Variants in PRKAR1A observed in about 807,000 individuals in gnomAD.
PRKAR1A encodes cAMP-dependent protein kinase type I-alpha regulatory subunit.
In PRKAR1A, 3 loss-of-function variants were observed where a neutral mutation model predicts 52.0. The observed-to-expected ratio is 0.06, with a 90% CI of 0.03 to 0.15. The LOEUF (loss-of-function observed/expected upper bound fraction) is 0.15, where lower values mean the gene tolerates loss of function less well. Ranked by LOEUF, PRKAR1A falls within the 10% of genes least tolerant of loss-of-function variation. The probability of loss-of-function intolerance (pLI) is 1.00; values close to 1 mark genes in which losing one functional copy is unlikely to be tolerated. For synonymous variants in PRKAR1A, 188 were observed against 168.4 expected, an observed-to-expected ratio of 1.12 and a Z score of -0.90; for missense variants, 240 against 477.4, an observed-to-expected ratio of 0.50 and a Z score of 4.63.
the PRKAR1A span, among the ~76,000 whole-genome samples, chr17:68,429,776 A>G: frequency 6.6e-6 from 1 of 152,048 alleles, no homozygotes; most frequent in Admixed American, 6.6e-5. Flanking sequence ...TTTAGTAGAG[A>G]CGGGATTTCA....
At chr17:68,518,181 A>G (rs143752025) in intron 2 of PRKAR1A, among the ~76,000 whole-genome samples, 41 of 152,236 alleles carry the variant, frequency 2.7e-4, no homozygotes, top group African/African-American at 7.9e-4. Context: ...TTCCAGGTGC[A>G]TGGTGCAATC....
the PRKAR1A span, chr17:68,450,653 C>T: frequency 6.6e-7 from 1 of 1,512,608 alleles, no homozygotes; most frequent in Non-Finnish European, 8.9e-7. Context: ...AGACATTGAT[C>T]TTGAAAGATG....
At position 68,532,654 on chromosome 17, in the gene PRKAR1A, T is replaced by C. The variant is rs2086008129; in HGVS notation, c.*2205T>C. On this transcript the variant is annotated 3_prime_UTR_variant, in exon 11 of 11. Coordinates refer to ENST00000589228, the MANE Select transcript of PRKAR1A (RefSeq NM_002734.5). ...TAGATGGCCAAAGGACCGTTTTGTA[T>C]TGCTTCCTGATTACCAGTCTGATTA... 9.4e-7 allele frequency: 1 copy of C among 1,066,236 alleles called. No individual in the cohort carries two copies. Among genetic ancestry groups the C allele is most frequent in the Non-Finnish European group, 1.1e-6 (1 of 879,680 alleles). The allele number at this position is 1,066,236 out of a possible 1,614,324, so 66.0% of individuals were successfully genotyped here. A position where few individuals can be genotyped will look rare whatever the true frequency, so the allele number is the denominator to read the frequency against.
chr17:68,521,517 C>G (rs2085608919), intron 2 of PRKAR1A, among the ~76,000 whole-genome samples: 1 of 152,232 alleles, frequency 6.6e-6, no homozygotes, highest in Admixed American at 6.5e-5. Flanking sequence ...AGGCGTAAGC[C>G]ACTGTACCCA....
chr17:68,543,658 A>G (rs2086414288), intron 11 of PRKAR1A: 2 of 1,614,132 alleles, frequency 1.2e-6, no homozygotes, highest in African/African-American at 2.7e-5. Flanking sequence ...CGATCTCAGC[A>G]TTGTGTCTCT....
the PRKAR1A span, among the ~76,000 whole-genome samples, chr17:68,425,220 T>C: frequency 3.9e-5 from 6 of 152,166 alleles, no homozygotes; most frequent in African/African-American, 1.4e-4. Context: ...TCTTTTCTTT[T>C]TGAGATAGAG....
At chr17:68,510,849 T>A (rs960616921), upstream of PRKAR1A, among the ~76,000 whole-genome samples, 8 of 152,218 alleles carry the variant, frequency 5.3e-5, no homozygotes, top group African/African-American at 1.9e-4. Context: ...ATAACATAAC[T>A]AAATAAATCA....
At chr17:68,502,176 A>G in the PRKAR1A span, among the ~76,000 whole-genome samples, 8 of 152,310 alleles carry the variant, frequency 5.3e-5, no homozygotes, top group Non-Finnish European at 8.8e-5. Context: ...CCCAAAAGAT[A>G]AAGTGTGCAC....
At chr17:68,537,514 A>G (rs2907373), downstream of PRKAR1A, 1,101,593 of 1,613,080 alleles carry the variant, frequency 0.68, 379,606 homozygotes, top group East Asian at 0.92. The surrounding 1 kb of genome is among the most constrained non-coding windows in gnomAD (Gnocchi z 4.2). Context: ...GTCTGGGGCC[A>G]ACTGTTCCAC....
the PRKAR1A span, among the ~76,000 whole-genome samples, chr17:68,506,530 C>A: frequency 1.2e-4 from 18 of 151,802 alleles, no homozygotes; most frequent in Non-Finnish European, 2.5e-4. Flanking sequence ...ATCACCCAGG[C>A]TGGAGTGTAG....
chr17:68,526,271 T>A (rs2085787480), intron 7 of PRKAR1A, among the ~76,000 whole-genome samples: 1 of 152,226 alleles, frequency 6.6e-6, no homozygotes, highest in Non-Finnish European at 1.5e-5. Context: ...TGCTTAAAGT[T>A]ATTTGGGGCC....
chr17:68,464,629 C>T, the PRKAR1A span, among the ~76,000 whole-genome samples: 18 of 150,760 alleles, frequency 1.2e-4, no homozygotes, highest in South Asian at 8.4e-4. Flanking sequence ...TGCAGTGAGC[C>T]GAGATCGTGC....
chr17:68,486,506 C>CTTCCTTCCTTCCTTCCCTCTTTCT, the PRKAR1A span, among the ~76,000 whole-genome samples: 13 of 48,258 alleles, frequency 2.7e-4, no homozygotes, highest in South Asian at 8.3e-4. Context: ...TCCTTCCTTC[C>CTTCCTTCCTTCCTTCCCTCTTTCT]TTCTTTCTTT....
At chr17:68,527,231 G>A (rs543820939) in intron 7 of PRKAR1A, among the ~76,000 whole-genome samples, 1 of 152,246 alleles carries the variant, frequency 6.6e-6, no homozygotes, top group East Asian at 1.9e-4. Context: ...TGTAGATATG[G>A]GGTGAAATAT....
upstream of PRKAR1A, among the ~76,000 whole-genome samples, chr17:68,510,373 C>G (rs1283441500): frequency 6.6e-6 from 1 of 152,116 alleles, no homozygotes; most frequent in East Asian, 1.9e-4. Flanking sequence ...ATGTGTAAAG[C>G]CCTTAGATCA....
the PRKAR1A span, chr17:68,422,809 T>C: frequency 6.6e-6 from 1 of 150,384 alleles, no homozygotes; most frequent in South Asian, 2.1e-4. Context: ...GCTCACAAGA[T>C]TGGGACTAGT....
chr17:68,421,262 T>C, the PRKAR1A span: 1 of 139,958 alleles, frequency 7.1e-6, no homozygotes, highest in African/African-American at 2.6e-5. Flanking sequence ...AACAAAAAAA[T>C]ATATAAAAAC....
At chr17:68,427,072 C>CAG in the PRKAR1A span, 1 of 1,370,338 alleles carries the variant, frequency 7.3e-7, no homozygotes, top group African/African-American at 1.4e-5. Context: ...AGGGAGCGTG[C>CAG]AGGGAGAAGG....
intron 11 of PRKAR1A, among the ~76,000 whole-genome samples, chr17:68,545,234 TCCTGTC>T (rs2086493756): frequency 6.6e-6 from 1 of 152,242 alleles, no homozygotes; most frequent in Non-Finnish European, 1.5e-5. Flanking sequence ...ATAAAATTGG[TCCTGTC>T]ACTGAATGTT....
Sources: gnomAD v4.1 joint callset for allele counts (sites outside exome capture counted in the v4.1 genomes callset) on GRCh38, gnomAD v4.1.1 for gene constraint, Gnocchi (gnomAD v3.1) non-coding constraint, MANE v1.5 for transcripts, NCBI Gene and HGNC (gene_info 2026-07-23, HGNC 2026-07-21) for gene names.